GLIS3: variants seen among roughly 807,000 people sequenced by gnomAD.
GLIS3 encodes GLIS family zinc finger 3, also known as zinc finger protein GLIS3.
GLIS3 carries 53 observed loss-of-function variants against 78.6 expected under a neutral mutation model. The ratio of observed to expected loss-of-function variants is 0.67; its 90% CI spans 0.54 to 0.85. The LOEUF (loss-of-function observed/expected upper bound fraction) is 0.85, where lower values mean the gene tolerates loss of function less well. Ranked by LOEUF, GLIS3 falls within the 40% of genes least tolerant of loss-of-function variation. GLIS3 has a pLI of 0.00. For synonymous variants in GLIS3, 684 were observed against 509.9 expected (o/e 1.34, Z -4.60); for missense variants, 1,703 against 1,231.1 (o/e 1.38, Z -5.74).
At chr9:3,851,495 G>T (rs566388115) in intron 9 of GLIS3, among the ~76,000 whole-genome samples, 2 of 152,314 alleles carry the variant, frequency 1.3e-5, no homozygotes, top group African/African-American at 4.8e-5. Context: ...GATGGATGCA[G>T]AGTCAACAAA....
At chr9:4,358,461 C>A in the GLIS3 span, among the ~76,000 whole-genome samples, 1 of 152,076 alleles carries the variant, frequency 6.6e-6, no homozygotes, top group South Asian at 2.1e-4. Flanking sequence ...ATAGTTTTTG[C>A]TGGTAGTATA....
intron 4 of GLIS3, among the ~76,000 whole-genome samples, chr9:4,094,939 T>TG (rs1829821295): frequency 6.6e-6 from 1 of 152,186 alleles, no homozygotes; most frequent in Non-Finnish European, 1.5e-5. Context: ...ATGGAGCACA[T>TG]AGTGATGTTT....
At chr9:4,028,465 G>A (rs934232690) in intron 4 of GLIS3, among the ~76,000 whole-genome samples, 19 of 151,942 alleles carry the variant, frequency 1.3e-4, no homozygotes, top group Admixed American at 2.0e-4. Flanking sequence ...AAGGAAATAG[G>A]GCTTTTCTCT....
intron 2 of GLIS3, among the ~76,000 whole-genome samples, chr9:4,270,462 G>A (rs1266556738): frequency 6.6e-6 from 1 of 152,114 alleles, no homozygotes; most frequent in African/African-American, 2.4e-5. Flanking sequence ...TGAGTTGTCA[G>A]CTAGAGCCCC....
intron 4 of GLIS3, among the ~76,000 whole-genome samples, chr9:3,987,863 A>G (rs918927685): frequency 2.0e-5 from 3 of 151,778 alleles, no homozygotes; most frequent in African/African-American, 7.2e-5. Context: ...AATATACACT[A>G]AAACACATCA....
chr9:4,286,189 GATGCGGCTCTCAGCC>G lies in GLIS3; in HGVS notation c.222_236del (p.Ala75_Ile79del). 1 of 1,614,222 alleles carries G rather than the reference GATGCGGCTCTCAGCC, an allele frequency of 6.2e-7. No individual in the cohort carries two copies. Among genetic ancestry groups the G allele is most frequent in the Non-Finnish European group, 8.5e-7 (1 of 1,180,044 alleles). On this transcript the variant is annotated inframe_deletion, in exon 2 of 11. Transcript: ENST00000381971. ...TCCTGGGGCTTAAGGCAGGCAGATG[GATGCGGCTCTCAGCC>G]ACGTTGTTCTGAGGAGCCATCCCTC... is the stretch of plus-strand genomic sequence containing the variant.
intron 2 of GLIS3, among the ~76,000 whole-genome samples, chr9:4,316,937 C>T (rs1244144724): frequency 3.5e-5 from 5 of 143,612 alleles, no homozygotes; most frequent in South Asian, 2.2e-4. Flanking sequence ...ATCCATTAGC[C>T]GTTGGTAAAA....
chr9:4,076,975 C>G (rs1238222189), intron 4 of GLIS3, among the ~76,000 whole-genome samples: 2 of 152,146 alleles, frequency 1.3e-5, no homozygotes, highest in Non-Finnish European at 2.9e-5. Context: ...GGGAGGATGG[C>G]TTGAGCCAGG....
the GLIS3 span, among the ~76,000 whole-genome samples, chr9:4,365,278 T>C: frequency 6.6e-6 from 1 of 152,102 alleles, no homozygotes; most frequent in African/African-American, 2.4e-5. Flanking sequence ...AAAGATCAAA[T>C]CAGGCTGGGT....
chr9:4,192,808 TA>T (rs60636471), intron 2 of GLIS3, among the ~76,000 whole-genome samples: 60,637 of 142,294 alleles, frequency 0.43, 12,587 homozygotes, highest in Non-Finnish European at 0.45. Flanking sequence ...ATACAATATT[TA>T]AAAAAAAAAA....
chr9:4,391,866 G>C, the GLIS3 span, among the ~76,000 whole-genome samples: 4 of 152,156 alleles, frequency 2.6e-5, no homozygotes, highest in Non-Finnish European at 5.9e-5. Flanking sequence ...CCTAGAACCA[G>C]AAATACCATT....
At chr9:4,150,182 C>G (rs960862378) in intron 2 of GLIS3, among the ~76,000 whole-genome samples, 5 of 152,130 alleles carry the variant, frequency 3.3e-5, no homozygotes, top group African/African-American at 1.2e-4. Context: ...CTACTAGAAA[C>G]CAACCTACCT....
At chr9:4,227,038 A>T (rs2131350577) in intron 2 of GLIS3, among the ~76,000 whole-genome samples, 1 of 152,320 alleles carries the variant, frequency 6.6e-6, no homozygotes, top group Non-Finnish European at 1.5e-5. Context: ...CTTGCATGCA[A>T]GGGGGAAGCC....
the GLIS3 span, among the ~76,000 whole-genome samples, chr9:4,394,827 T>C: frequency 2.6e-5 from 4 of 152,192 alleles, no homozygotes; most frequent in African/African-American, 7.2e-5. Flanking sequence ...ATTATAGCAA[T>C]AACAAAACAC....
At chr9:4,031,097 A>G (rs115809204) in intron 4 of GLIS3, among the ~76,000 whole-genome samples, 2,060 of 152,324 alleles carry the variant, frequency 0.014, 49 homozygotes, top group African/African-American at 0.047. Context: ...GCAGTTCTTC[A>G]AAAAGTTAAA....
intron 8 of GLIS3, among the ~76,000 whole-genome samples, chr9:3,861,738 G>C (rs981461298): frequency 6.1e-4 from 93 of 152,248 alleles, no homozygotes; most frequent in African/African-American, 2.2e-3. Context: ...TGAACAATGA[G>C]AACACATGGA....
intron 2 of GLIS3, among the ~76,000 whole-genome samples, chr9:4,160,150 T>C (rs1471310034): frequency 1.3e-5 from 2 of 152,190 alleles, no homozygotes; most frequent in Non-Finnish European, 2.9e-5. Context: ...CCTTCCGAAA[T>C]TGGTCTATTT....
At chr9:3,865,765 G>A (rs1456968417) in intron 8 of GLIS3, among the ~76,000 whole-genome samples, 1 of 152,168 alleles carries the variant, frequency 6.6e-6, no homozygotes, top group African/African-American at 2.4e-5. Context: ...AAATAAAGAT[G>A]GTTGATTTGG....
chr9:4,242,859 A>G (rs1823446743), intron 2 of GLIS3, among the ~76,000 whole-genome samples: 1 of 152,172 alleles, frequency 6.6e-6, no homozygotes. Flanking sequence ...ATTAATATTA[A>G]CTTGTTTCAT....
Sources: allele counts gnomAD v4.1 joint callset (sites outside exome capture counted in the v4.1 genomes callset), GRCh38; gene constraint gnomAD v4.1.1; transcripts MANE v1.5; gene names NCBI Gene and HGNC (gene_info 2026-07-23, HGNC 2026-07-21).